SGK1: variants seen among roughly 807,000 people sequenced by gnomAD.
SGK1 encodes the protein serum/glucocorticoid regulated kinase 1.
In SGK1, 26 loss-of-function variants were observed where a neutral mutation model predicts 64.2. The ratio of observed to expected loss-of-function variants is 0.40; its 90% confidence interval spans 0.30 to 0.56. The LOEUF is 0.56. Among genes scored for constraint, SGK1 ranks in the 20% least tolerant of loss-of-function variants. SGK1 has a pLI of 0.38. For missense variants in SGK1, 519 were observed against 645.6 expected (o/e 0.80, Z 2.12); for synonymous variants, 265 against 239.7 (o/e 1.11, Z -0.98).
intron 3 of SGK1, among the ~76,000 whole-genome samples, chr6:134,191,761 T>C (rs1435307335): frequency 2.0e-5 from 3 of 150,624 alleles, no homozygotes; most frequent in Non-Finnish European, 3.0e-5. Flanking sequence ...CTCTGCCTCC[T>C]GGGTTCAATG....
At chr6:134,232,716 T>C (rs1483052746) in intron 2 of SGK1, among the ~76,000 whole-genome samples, 1 of 151,770 alleles carries the variant, frequency 6.6e-6, no homozygotes, top group African/African-American at 2.4e-5. Flanking sequence ...CTGGGTGTGG[T>C]TGTGGGGGCC....
At chr6:134,263,116 T>C (rs977007413) in intron 1 of SGK1, among the ~76,000 whole-genome samples, 2 of 152,190 alleles carry the variant, frequency 1.3e-5, no homozygotes, top group African/African-American at 4.8e-5. Context: ...CTTATTATTA[T>C]GATTATGATG....
At position 134,269,916 on chromosome 6, in the gene SGK1, T is replaced by TTC. The variant is rs201822447; in HGVS notation, c.70-7770_70-7769dup. Among the ~76,000 whole-genome samples, 30 of 147,468 alleles carry TTC rather than the reference T, an allele frequency of 2.0e-4. 2 individuals are homozygous for TTC. Among genetic ancestry groups the TTC allele is most frequent in the African/African-American group, 4.9e-4 (20 of 40,928 alleles). On this transcript the variant is annotated intron_variant, in intron 1 of 13. Coordinates refer to ENST00000367858, the MANE Select transcript of SGK1 (RefSeq NM_001143676.3). ...TATGTCATCATCATGTATCTGTCTT[T>TTC]TCTCTCTCTCTTTTTTTTTTTTGAG...
chr6:134,311,297 A>G (rs1582779910), intron 1 of SGK1, among the ~76,000 whole-genome samples: 1 of 152,224 alleles, frequency 6.6e-6, no homozygotes, highest in Non-Finnish European at 1.5e-5. Context: ...TTCAACAAAT[A>G]TGTTTTGACA....
At chr6:134,172,038 T>C (rs1775044431) in intron 10 of SGK1, 155 bp downstream of exon 10, 2 of 883,570 alleles carry the variant, frequency 2.3e-6, no homozygotes, top group Non-Finnish European at 1.8e-6. Context: ...GGATTTCTCA[T>C]GCTACATCAA....
chr6:134,218,179 G>C (rs562142496), intron 2 of SGK1, among the ~76,000 whole-genome samples: 1 of 152,150 alleles, frequency 6.6e-6, no homozygotes, highest in African/African-American at 2.4e-5. Context: ...AGAGGGTAAC[G>C]TAACTTGTGT....
In SGK1 at chr6:134,173,776, T is replaced by C. The variant is rs1775116350; in HGVS notation, c.514-210A>G. 2.7e-5 allele frequency: 16 copies of C among 584,158 alleles called. No individual in the cohort carries two copies. In the South Asian group the frequency reaches 3.8e-4, roughly 14 times the overall value. The allele number at this position is 584,158 out of a possible 1,614,324, so 36.2% of individuals were successfully genotyped here. Reference sequence around the variant, plus strand: ...GTTTCAGACAGATAAAACCTTTTTATGAAATATGCCTTTTAAAATAACCAC... The same window carrying C: ...GTTTCAGACAGATAAAACCTTTTTACGAAATATGCCTTTTAAAATAACCAC... On this transcript the variant is annotated intron_variant, in intron 5 of 13. Coordinates refer to ENST00000367858, the MANE Select transcript of SGK1 (RefSeq NM_001143676.3).
chr6:134,179,239 G>C (rs1775295724), intron 3 of SGK1, among the ~76,000 whole-genome samples: 1 of 151,878 alleles, frequency 6.6e-6, no homozygotes, highest in Non-Finnish European at 1.5e-5. Flanking sequence ...ATCTTCCATT[G>C]ATAACAAGGC....
At chr6:134,265,753 C>G (rs1046271860) in intron 1 of SGK1, among the ~76,000 whole-genome samples, 1 of 149,398 alleles carries the variant, frequency 6.7e-6, no homozygotes, top group East Asian at 2.0e-4. Context: ...ACTCTTCGTA[C>G]TTTAACTTTT....
At chr6:134,310,098 A>C (rs1433576254) in intron 1 of SGK1, among the ~76,000 whole-genome samples, 8 of 143,052 alleles carry the variant, frequency 5.6e-5, no homozygotes, top group Admixed American at 4.9e-4. Flanking sequence ...CTGCCCCCTC[A>C]TTTTGGTTTT....
In SGK1 at chr6:134,173,520, T is replaced by G. The variant is rs1286115564; in HGVS notation, c.560A>C (p.His187Pro). The G allele has an allele frequency of 6.2e-7, 1 of 1,612,632 alleles. No individual in the cohort carries two copies. The highest frequency in any genetic ancestry group is 8.5e-7 in the Non-Finnish European group (1 of 1,179,722). ...GAAGTGAAAGTCAGATGGTTTAGCATGAGGATTGGACGACGGGCCAAGGTT... is the reference window on the plus strand; with the variant it reads ...GAAGTGAAAGTCAGATGGTTTAGCAGGAGGATTGGACGACGGGCCAAGGTT... The part of the protein sequence containing the change: ...QINLGPSSNP[H>P]AKPSDFHFLK... Residue 187 changes from histidine (H) to proline (P), a missense_variant, in exon 6 of 14, where the codon CAT becomes CCT. Physicochemically the swap from His to Pro is moderately conservative, Grantham distance 77. Transcript: ENST00000367858.
At chr6:134,288,892 T>C (rs1462889809) in intron 1 of SGK1, among the ~76,000 whole-genome samples, 2 of 152,192 alleles carry the variant, frequency 1.3e-5, no homozygotes, top group Non-Finnish European at 2.9e-5. Flanking sequence ...AAAGCATCAT[T>C]CATAATAATC....
intron 1 of SGK1, among the ~76,000 whole-genome samples, chr6:134,307,514 T>C (rs548437164): frequency 1.3e-5 from 2 of 152,302 alleles, no homozygotes; most frequent in Admixed American, 1.3e-4. Context: ...CTCAACCCCC[T>C]GATATAAAAT....
intron 2 of SGK1, among the ~76,000 whole-genome samples, chr6:134,255,435 C>T (rs2114740576): frequency 6.6e-6 from 1 of 151,998 alleles, no homozygotes; most frequent in South Asian, 2.1e-4. Flanking sequence ...ATAATCCCAG[C>T]ACTTTGGGAG....
In SGK1 at chr6:134,232,463, GAAAGAAAGAA is replaced by G. The variant is rs774504546; in HGVS notation, c.286-25042_286-25033del. Among the ~76,000 whole-genome samples the G allele has an allele frequency of 7.8e-4, 33 of 42,328 alleles. 2 individuals carry two copies. In the East Asian group the frequency reaches 0.014, roughly 18 times the overall value. The allele number at this position is 42,328 out of a possible 152,430, so 27.8% of individuals were successfully genotyped here. On this transcript the variant is annotated intron_variant, in intron 2 of 13. Transcript: ENST00000367858. ...AGAAAGAAAGAAAGAAAGAAAGAAA[GAAAGAAAGAA>G]AGAAAGAAAGAGAAAGAAAAAGAAA...
In SGK1 at chr6:134,255,574, ATTTTTTT is replaced by A. The variant is rs11318242; in HGVS notation, c.285+6352_285+6358del. 4.2e-3 allele frequency among the ~76,000 whole-genome samples: 330 copies of A among 78,852 alleles called. 2 individuals are homozygous for A. Among genetic ancestry groups the A allele is most frequent in the African/African-American group, 0.014 (307 of 22,014 alleles). 51.7% of individuals were successfully genotyped at this position (78,852 alleles called of 152,430 possible). A position where few individuals can be genotyped will look rare whatever the true frequency, so the allele number is the denominator to read the frequency against. On this transcript the variant is annotated intron_variant, in intron 2 of 13. Transcript: ENST00000367858. The stretch of plus-strand genomic sequence containing the variant: ...AAACAAACAAAGGCAAGAGATTTTG[ATTTTTTT>A]TTTTTTTTTTTTTTTTTGAGATGGA...
intron 2 of SGK1, among the ~76,000 whole-genome samples, chr6:134,230,149 C>G (rs1474310882): frequency 6.6e-6 from 1 of 152,076 alleles, no homozygotes; most frequent in Non-Finnish European, 1.5e-5. Flanking sequence ...TAGGCTTTAC[C>G]CCTTGATGCT....
At chr6:134,204,554 C>CT (rs34485870) in intron 3 of SGK1, among the ~76,000 whole-genome samples, 3,450 of 128,174 alleles carry the variant, frequency 0.027, 126 homozygotes, top group African/African-American at 0.085. Flanking sequence ...TTTCTTGTAA[C>CT]TTTTTTTTTT....
chr6:134,290,019 C>T (rs999347542), intron 1 of SGK1, among the ~76,000 whole-genome samples: 1 of 151,672 alleles, frequency 6.6e-6, no homozygotes, highest in Non-Finnish European at 1.5e-5. Context: ...GGCGTGGTGG[C>T]AGGCACTTGT....
Sources: gnomAD v4.1 joint callset for allele counts (sites outside exome capture counted in the v4.1 genomes callset) on GRCh38, gnomAD v4.1.1 for gene constraint, MANE v1.5 for transcripts, NCBI Gene and HGNC (gene_info 2026-07-23, HGNC 2026-07-21) for gene names.